Variants in CC2D1A observed in about 807,000 individuals in gnomAD.
The protein encoded by CC2D1A is coiled-coil and C2 domain-containing protein 1A.
In CC2D1A, 68 loss-of-function variants were observed where a neutral mutation model predicts 123.8. That is an observed-to-expected ratio of 0.55 (90% CI 0.45 to 0.67). CC2D1A has a LOEUF of 0.67. Among genes scored for constraint, CC2D1A ranks in the 30% least tolerant of loss-of-function variants. The probability of loss-of-function intolerance (pLI) is 0.00; values close to 1 mark genes in which losing one functional copy is unlikely to be tolerated. For missense variants in CC2D1A, 1,185 were observed against 1,290.3 expected, an observed-to-expected ratio of 0.92 and a Z score of 1.25; for synonymous variants, 477 against 528.0, an observed-to-expected ratio of 0.90 and a Z score of 1.32.
chr19:13,910,308 T>C (rs1970955495), intron 2 of CC2D1A, among the ~76,000 whole-genome samples: 1 of 145,710 alleles, frequency 6.9e-6, no homozygotes, highest in Non-Finnish European at 1.5e-5. Context: ...CTCAGGAGGC[T>C]GAGGCAGAAG....
Position 13,927,173 on chromosome 19 carries a change from A to G in CC2D1A, c.2226-2A>G, listed in dbSNP as rs1320278875. 1 of 1,613,836 alleles carries G rather than the reference A, an allele frequency of 6.2e-7. No individual in the cohort carries two copies. Among genetic ancestry groups the G allele is most frequent in the South Asian group, 1.1e-5 (1 of 91,072 alleles). ...GTCCCCACTATACACACATGCACAC[A>G]GGGGGCTGTTCAAGACTGACCGGGT... On this transcript the variant is annotated splice_acceptor_variant, in intron 21 of 28. Coordinates refer to ENST00000318003, the MANE Select transcript of CC2D1A (RefSeq NM_017721.5). LOFTEE classifies it high-confidence loss of function.
intron 17 of CC2D1A, among the ~76,000 whole-genome samples, chr19:13,925,936 ATATAT>A (rs1971583154): frequency 3.5e-5 from 2 of 56,850 alleles, no homozygotes; most frequent in South Asian, 6.6e-4. Flanking sequence ...AAAAAAAAAT[ATATAT>A]ATATATATAT....
In CC2D1A at chr19:13,923,453, G is replaced by A. The variant is rs747172992; in HGVS notation, c.1762G>A (p.Glu588Lys). 66 of 1,613,970 alleles carry A rather than the reference G, an allele frequency of 4.1e-5. No homozygotes were observed. The South Asian group carries it at 4.7e-4, about 12-fold the overall frequency. Residue 588 changes from glutamate (E) to lysine (K), a missense_variant and splice_region_variant, in exon 15 of 29, where the codon GAG becomes AAG. Glu to Lys is a moderately conservative substitution (Grantham distance 56). Coordinates refer to ENST00000318003, the MANE Select transcript of CC2D1A (RefSeq NM_017721.5). This position sits in a 1 kb window ranked among gnomAD's most constrained non-coding sequence, Gnocchi z 5.3. Reference sequence around the variant, plus strand: ...CACCAAGCTCATACGGCAGCAGCACGAGGTGAGGGGGAGGCCCCCAGCCCA... The same window carrying A: ...CACCAAGCTCATACGGCAGCAGCACAAGGTGAGGGGGAGGCCCCCAGCCCA... ...ELTKLIRQQH[E>K]MCLNHSNQFT...
intron 2 of CC2D1A, among the ~76,000 whole-genome samples, chr19:13,910,268 C>T (rs560239556): frequency 2.6e-5 from 4 of 151,042 alleles, no homozygotes; most frequent in African/African-American, 7.3e-5. Context: ...ATTAGCCGGG[C>T]GTGGTGGCGG....
chr19:13,909,216 C>G (rs978587594), intron 1 of CC2D1A, among the ~76,000 whole-genome samples: 2 of 148,250 alleles, frequency 1.3e-5, no homozygotes, highest in African/African-American at 4.9e-5. Flanking sequence ...GCTAAAAATA[C>G]AAAAAAAAAA....
intron 6 of CC2D1A, among the ~76,000 whole-genome samples, chr19:13,917,256 GC>G (rs1470186672): frequency 6.6e-6 from 1 of 152,026 alleles, no homozygotes; most frequent in Non-Finnish European, 1.5e-5. Flanking sequence ...GATCACTTGA[GC>G]CCAGGAGTTT....
chr19:13,923,595 TG>T lies in CC2D1A; in HGVS notation c.1813del (p.Glu605LysfsTer19). The T allele has an allele frequency of 1.2e-6, 2 of 1,614,026 alleles. No homozygotes were observed. Among genetic ancestry groups the T allele is most frequent in the Non-Finnish European group, 1.7e-6 (2 of 1,180,000 alleles). ...AATTCACCCAGCTGGGCAACATCAC[TG>T]AAACCACCAAGTAAGTGCCCTGACC... ...NQFTQLGNITETTKFEKLAED... is the reference protein window; with the variant it reads ...NQFTQLGNITXTTKFEKLAED... On this transcript the variant is annotated frameshift_variant, in exon 16 of 29. Transcript: ENST00000318003. LOFTEE classifies it high-confidence loss of function. This position sits in a 1 kb window ranked among gnomAD's most constrained non-coding sequence, Gnocchi z 5.3.
intron 17 of CC2D1A, 64 bp from the exon 18 acceptor site, chr19:13,926,453 G>T: frequency 6.7e-7 from 1 of 1,485,542 alleles, no homozygotes; most frequent in South Asian, 1.2e-5. Flanking sequence ...AAGGCAGGCG[G>T]GCAGTGGGAC....
chr19:13,911,961 C>T (rs981864341), intron 2 of CC2D1A, among the ~76,000 whole-genome samples: 2 of 152,060 alleles, frequency 1.3e-5, no homozygotes, highest in African/African-American at 2.4e-5. Context: ...GTGATCCACC[C>T]GCCTCGGCCT....
At chr19:13,910,774 G>A (rs1436022498) in intron 2 of CC2D1A, among the ~76,000 whole-genome samples, 2 of 152,250 alleles carry the variant, frequency 1.3e-5, no homozygotes, top group Admixed American at 1.3e-4. Context: ...AGCCAAGCTT[G>A]GTGGCGAACA....
At chr19:13,914,668 C>G (rs1331218224) in intron 6 of CC2D1A, among the ~76,000 whole-genome samples, 5 of 148,748 alleles carry the variant, frequency 3.4e-5, no homozygotes, top group Non-Finnish European at 6.0e-5. Flanking sequence ...AACAGAGTCT[C>G]ACTCTATTGC....
chr19:13,928,313 A>G, intron 24 of CC2D1A, 125 bp downstream of exon 24: 2 of 786,058 alleles, frequency 2.5e-6, no homozygotes, highest in East Asian at 5.4e-5. Context: ...CTTTCTTGGC[A>G]CCCCTTTTCC....
chr19:13,920,601 C>T lies in CC2D1A; in HGVS notation c.1401C>T (p.Pro467=), dbSNP rs200063565. Residue 467 remains proline, a synonymous_variant, in exon 13 of 29, where the codon CCC becomes CCT. Coordinates refer to ENST00000318003, the MANE Select transcript of CC2D1A (RefSeq NM_017721.5). ...VAPTAQPKAP[P]SRTPQSGSAP... ...CCACAGCCCAGCCCAAAGCCCCACC[C>T]TCAAGAACTCCCCAGTCGGGATCAG... is the stretch of plus-strand genomic sequence containing the variant. 188 of 1,611,222 alleles carry T rather than the reference C, an allele frequency of 1.2e-4. No individual in the cohort carries two copies. The African/African-American group carries it at 2.1e-3, about 18-fold the overall frequency.
At position 13,906,273 on chromosome 19, in the gene CC2D1A, G is replaced by A. The variant is rs897300918; in HGVS notation, c.-169G>A. 11 of 493,528 alleles carry A rather than the reference G, an allele frequency of 2.2e-5. No homozygotes were observed. The highest frequency in any genetic ancestry group is 2.0e-4 in the African/African-American group (10 of 49,546). 30.6% of individuals were successfully genotyped at this position (493,528 alleles called of 1,614,324 possible). A position where few individuals can be genotyped will look rare whatever the true frequency, so the allele number is the denominator to read the frequency against. ...TGCGGCGGCGCCCGAGGCCCGAGGCGGAAGTGGGACGGCCAAGCAGGGAAG... is the reference window on the plus strand; with the variant it reads ...TGCGGCGGCGCCCGAGGCCCGAGGCAGAAGTGGGACGGCCAAGCAGGGAAG... On this transcript the variant is annotated 5_prime_UTR_variant, in exon 1 of 29. Coordinates refer to ENST00000318003, the MANE Select transcript of CC2D1A (RefSeq NM_017721.5). This position sits in a 1 kb window ranked among gnomAD's most constrained non-coding sequence, Gnocchi z 4.1.
In CC2D1A at chr19:13,913,154, CT is replaced by C. The variant is rs747535140; in HGVS notation, c.379-13del. ...TGGGGTCACCACCCACACTGTGCCC[CT>C]GCCCTCCCACAGCCGAAGCCTGAGG... is the stretch of plus-strand genomic sequence containing the variant. On this transcript the variant is annotated splice_polypyrimidine_tract_variant and intron_variant, in intron 4 of 28. Transcript: ENST00000318003. 2.5e-6 allele frequency: 4 copies of C among 1,595,064 alleles called. No individual in the cohort carries two copies. Among genetic ancestry groups the C allele is most frequent in the African/African-American group, 1.3e-5 (1 of 74,206 alleles).
At chr19:13,919,093 C>T (rs1971312620) in intron 10 of CC2D1A, 37 bp from the exon 11 acceptor site, 4 of 1,603,664 alleles carry the variant, frequency 2.5e-6, no homozygotes, top group Non-Finnish European at 3.4e-6. Flanking sequence ...CCCGGGAGCC[C>T]TCCCACAGGC....
Position 13,918,201 on chromosome 19 carries a change from C to T in CC2D1A, c.873+7C>T. ...ACACTTCCGCGTGGCTAAGGTGCGTCCAGCCTGACGGACAGGACTGGAGGG... is the reference window on the plus strand; with the variant it reads ...ACACTTCCGCGTGGCTAAGGTGCGTTCAGCCTGACGGACAGGACTGGAGGG... On this transcript the variant is annotated splice_region_variant and intron_variant, in intron 7 of 28. Coordinates refer to ENST00000318003, the MANE Select transcript of CC2D1A (RefSeq NM_017721.5). 2 of 1,567,402 alleles carry T rather than the reference C, an allele frequency of 1.3e-6. No individual in the cohort carries two copies. The highest frequency in any genetic ancestry group is 1.7e-6 in the Non-Finnish European group (2 of 1,155,902).
At chr19:13,911,569 A>G (rs1324368934) in intron 2 of CC2D1A, among the ~76,000 whole-genome samples, 1 of 147,698 alleles carries the variant, frequency 6.8e-6, no homozygotes, top group Non-Finnish European at 1.5e-5. Context: ...TTTTGGAGAC[A>G]AACCCTTGCT....
At chr19:13,912,897 T>C (rs60041922) in intron 4 of CC2D1A, among the ~76,000 whole-genome samples, 19,382 of 152,154 alleles carry the variant, frequency 0.13, 4,026 homozygotes, top group African/African-American at 0.44. Flanking sequence ...CCACCTGCCT[T>C]GGCCTCCCAA....
Sources: allele counts gnomAD v4.1 joint callset (sites outside exome capture counted in the v4.1 genomes callset), GRCh38; gene constraint gnomAD v4.1.1; non-coding constraint Gnocchi (gnomAD v3.1); transcripts MANE v1.5; gene names NCBI Gene and HGNC (gene_info 2026-07-23, HGNC 2026-07-21).